MAP2K6: variants seen among roughly 807,000 people sequenced by gnomAD.
The protein encoded by MAP2K6 is mitogen-activated protein kinase kinase 6.
A neutral mutation model predicts 53.7 loss-of-function variants in MAP2K6; 16 were observed. The ratio of observed to expected loss-of-function variants is 0.30; its 90% CI spans 0.20 to 0.45. The LOEUF is 0.45. Ranked by LOEUF, MAP2K6 falls within the 20% of genes least tolerant of loss-of-function variation. The pLI is 1.00. For missense variants in MAP2K6, 204 were observed against 411.9 expected, an observed-to-expected ratio of 0.50 and a Z score of 4.37; for synonymous variants, 132 against 143.1, an observed-to-expected ratio of 0.92 and a Z score of 0.55.
intron 11 of MAP2K6, 89 bp from the exon 12 acceptor site, chr17:69,541,587 C>T: frequency 1.0e-6 from 1 of 995,218 alleles, no homozygotes; most frequent in Admixed American, 2.0e-5. Context: ...TACTTAATCC[C>T]TGTACCAAGC....
At chr17:69,443,299 C>T (rs1192712156) in intron 1 of MAP2K6, among the ~76,000 whole-genome samples, 3 of 152,208 alleles carry the variant, frequency 2.0e-5, no homozygotes, top group East Asian at 3.9e-4. Flanking sequence ...TGTGAACTTC[C>T]TTTGAACTTG....
At chr17:69,463,783 C>T (rs1020397314) in intron 1 of MAP2K6, among the ~76,000 whole-genome samples, 7 of 151,728 alleles carry the variant, frequency 4.6e-5, no homozygotes, top group African/African-American at 9.7e-5. Flanking sequence ...TTTGGGAGGC[C>T]GAGGTGGGTG....
At chr17:69,514,125 AT>A (rs1353527614) in intron 2 of MAP2K6, among the ~76,000 whole-genome samples, 2 of 148,044 alleles carry the variant, frequency 1.4e-5, no homozygotes, top group African/African-American at 2.5e-5. Context: ...AAAAAAAAAA[AT>A]CAGGGTGTTG....
At chr17:69,476,436 C>A (rs1908153423) in intron 1 of MAP2K6, among the ~76,000 whole-genome samples, 1 of 152,184 alleles carries the variant, frequency 6.6e-6, no homozygotes, top group Non-Finnish European at 1.5e-5. Context: ...CTTTAACAGG[C>A]CAATCCAGTC....
chr17:69,498,281 A>G (rs987371603), intron 1 of MAP2K6, among the ~76,000 whole-genome samples: 6 of 134,700 alleles, frequency 4.5e-5, no homozygotes, highest in Non-Finnish European at 7.9e-5. Context: ...GAAATGGTAA[A>G]ACAAGACAAA....
In MAP2K6 at chr17:69,544,521, G is replaced by A. The variant is rs1272792571; in HGVS notation, c.*2768G>A. The A allele has an allele frequency of 6.6e-6, 1 of 152,064 alleles. No homozygotes were observed. The highest frequency in any genetic ancestry group is 2.4e-5 in the African/African-American group (1 of 41,398). The allele number at this position is 152,064 out of a possible 1,614,324, so 9.4% of individuals were successfully genotyped here. A position where few individuals can be genotyped will look rare whatever the true frequency, so the allele number is the denominator to read the frequency against. ...ACGGATGACCCTCAAAATAGTTAAT[G>A]CCCCACCAGCATAGACCATCTGAAT... On this transcript the variant is annotated 3_prime_UTR_variant, in exon 12 of 12. Transcript: ENST00000590474.
intron 1 of MAP2K6, among the ~76,000 whole-genome samples, chr17:69,416,089 T>C (rs537459295): frequency 6.6e-6 from 1 of 152,222 alleles, no homozygotes; most frequent in African/African-American, 2.4e-5. Context: ...AAGTATGGGA[T>C]GATGAAGAGA....
chr17:69,506,026 G>A (rs1293528884), intron 2 of MAP2K6, among the ~76,000 whole-genome samples, 180 bp downstream of exon 2: 1 of 152,198 alleles, frequency 6.6e-6, no homozygotes, highest in Non-Finnish European at 1.5e-5. Context: ...ACGTTGAATG[G>A]GTAGTTTTGA....
chr17:69,517,026 A>G, intron 3 of MAP2K6, 123 bp downstream of exon 3: 1 of 749,496 alleles, frequency 1.3e-6, no homozygotes, highest in South Asian at 1.8e-5. Context: ...TTGCATTTAA[A>G]GGGAAGTGGT....
Position 69,547,928 on chromosome 17 carries a change from C to A in MAP2K6, c.*6175C>A, listed in dbSNP as rs1405418017. On this transcript the variant is annotated 3_prime_UTR_variant, in exon 12 of 12. Transcript: ENST00000590474. ...CCAGACACTAGTCAATCTCTCTATT[C>A]CCTGACTTGTACTGAGATTGGGGAA... 1 of 152,134 alleles carries A rather than the reference C, an allele frequency of 6.6e-6. No homozygotes were observed. The highest frequency in any genetic ancestry group is 1.9e-4 in the East Asian group (1 of 5,196). 9.4% of individuals were successfully genotyped at this position (152,134 alleles called of 1,614,324 possible).
chr17:69,476,444 G>A (rs1467088201), intron 1 of MAP2K6, among the ~76,000 whole-genome samples: 1 of 152,228 alleles, frequency 6.6e-6, no homozygotes, highest in Non-Finnish European at 1.5e-5. Context: ...GGCCAATCCA[G>A]TCTTCAGTTA....
intron 1 of MAP2K6, among the ~76,000 whole-genome samples, chr17:69,491,986 C>A (rs1908772459): frequency 6.6e-6 from 1 of 152,088 alleles, no homozygotes; most frequent in Non-Finnish European, 1.5e-5. Context: ...GTCCTTTGCC[C>A]ACTTTTTAAT....
intron 1 of MAP2K6, among the ~76,000 whole-genome samples, chr17:69,456,817 T>C (rs1053789256): frequency 7.9e-5 from 12 of 152,334 alleles, no homozygotes; most frequent in Admixed American, 5.2e-4. Context: ...TTTTCATCAC[T>C]CTACAAATCC....
At chr17:69,524,136 C>T (rs1476321521) in intron 8 of MAP2K6, among the ~76,000 whole-genome samples, 2 of 151,924 alleles carry the variant, frequency 1.3e-5, no homozygotes, top group East Asian at 1.9e-4. Context: ...ACCACATGTG[C>T]GATTAGGTTT....
At chr17:69,474,929 G>A (rs908455738) in intron 1 of MAP2K6, among the ~76,000 whole-genome samples, 1 of 152,124 alleles carries the variant, frequency 6.6e-6, no homozygotes, top group African/African-American at 2.4e-5. Flanking sequence ...ATTCACTGAG[G>A]ATTCAGTGCC....
At chr17:69,523,390 T>C in intron 7 of MAP2K6, 124 bp from the exon 8 acceptor site, 2 of 1,206,692 alleles carry the variant, frequency 1.7e-6, no homozygotes, top group Non-Finnish European at 2.4e-6. Context: ...CAGTTACTTC[T>C]GTGTTGGGCA....
At chr17:69,509,113 T>G (rs1909678904) in intron 2 of MAP2K6, among the ~76,000 whole-genome samples, 1 of 152,178 alleles carries the variant, frequency 6.6e-6, no homozygotes, top group African/African-American at 2.4e-5. Flanking sequence ...TTCATATAAG[T>G]TTTAGAATAA....
intron 1 of MAP2K6, among the ~76,000 whole-genome samples, chr17:69,465,701 C>T (rs556854742): frequency 2.0e-5 from 3 of 151,126 alleles, no homozygotes; most frequent in South Asian, 4.2e-4. Context: ...CTCACTGCAA[C>T]CCCTGCCTCC....
At chr17:69,516,615 A>G (rs1330163974) in intron 2 of MAP2K6, among the ~76,000 whole-genome samples, 2 of 152,214 alleles carry the variant, frequency 1.3e-5, no homozygotes, top group South Asian at 2.1e-4. Context: ...GCTTCACAAT[A>G]TAGGTATATT....
Sources: gnomAD v4.1 joint callset for allele counts (sites outside exome capture counted in the v4.1 genomes callset) on GRCh38, gnomAD v4.1.1 for gene constraint, MANE v1.5 for transcripts, NCBI Gene and HGNC (gene_info 2026-07-23, HGNC 2026-07-21) for gene names.